The following SH3RF1 variants were observed in gnomAD, a reference collection of about 807,000 sequenced individuals.
The protein encoded by SH3RF1 is SH3 domain containing ring finger 1, also known as E3 ubiquitin-protein ligase SH3RF1.
SH3RF1 carries 32 observed loss-of-function variants against 74.0 expected under a neutral mutation model. The ratio of observed to expected loss-of-function variants is 0.43; its 90% CI spans 0.33 to 0.58. The LOEUF is 0.58. Ranked by LOEUF, SH3RF1 falls within the 20% of genes least tolerant of loss-of-function variation. The probability of loss-of-function intolerance (pLI) is 0.05; values close to 1 mark genes in which losing one functional copy is unlikely to be tolerated. For missense variants in SH3RF1, 954 were observed against 1,130.9 expected (o/e 0.84, Z 2.24); for synonymous variants, 396 against 439.6 (o/e 0.90, Z 1.24).
chr4:169,225,134 A>G (rs1730637264), intron 2 of SH3RF1, among the ~76,000 whole-genome samples: 1 of 152,200 alleles, frequency 6.6e-6, no homozygotes, highest in Admixed American at 6.5e-5. Flanking sequence ...AGTGCCAGTT[A>G]ATGACCAGCT....
At chr4:169,171,563 G>A (rs1163477764) in intron 2 of SH3RF1, among the ~76,000 whole-genome samples, 1 of 152,098 alleles carries the variant, frequency 6.6e-6, no homozygotes, top group Non-Finnish European at 1.5e-5. Context: ...GTAGACAGCA[G>A]AAAAAAGGCT....
intron 2 of SH3RF1, among the ~76,000 whole-genome samples, chr4:169,180,510 C>G (rs2706717): frequency 0.47 from 71,478 of 152,044 alleles, 18,092 homozygotes; most frequent in East Asian, 0.78. Flanking sequence ...AGCAAAAGTG[C>G]GGAAAGAAAA....
intron 2 of SH3RF1, among the ~76,000 whole-genome samples, chr4:169,178,703 A>G (rs1734461794): frequency 6.6e-6 from 1 of 152,066 alleles, no homozygotes; most frequent in Admixed American, 6.5e-5. Context: ...TGAATGTAAA[A>G]CCAGTCCAAT....
At chr4:169,116,140 C>T in intron 10 of SH3RF1, 129 bp downstream of exon 10, 1 of 1,362,056 alleles carries the variant, frequency 7.3e-7, no homozygotes, top group Non-Finnish European at 1.0e-6. Flanking sequence ...TAGTGACTCA[C>T]ACGTAGGGAG....
intron 5 of SH3RF1, among the ~76,000 whole-genome samples, chr4:169,135,041 G>T (rs1200398158): frequency 6.6e-6 from 1 of 152,064 alleles, no homozygotes; most frequent in Non-Finnish European, 1.5e-5. Flanking sequence ...AAGGAGCAGG[G>T]TCAAATAAAT....
chr4:169,194,148 A>G (rs886124664), intron 2 of SH3RF1, among the ~76,000 whole-genome samples: 1 of 152,180 alleles, frequency 6.6e-6, no homozygotes, highest in Non-Finnish European at 1.5e-5. Flanking sequence ...GGTAGTCGTC[A>G]TCTAAAAATT....
At chr4:169,187,967 C>T (rs1734636919) in intron 2 of SH3RF1, among the ~76,000 whole-genome samples, 2 of 152,218 alleles carry the variant, frequency 1.3e-5, no homozygotes, top group South Asian at 4.2e-4. Context: ...AACACAGAGA[C>T]ATCAGAGTGA....
intron 6 of SH3RF1, among the ~76,000 whole-genome samples, chr4:169,124,762 G>C (rs1733497610): frequency 6.6e-6 from 1 of 152,166 alleles, no homozygotes; most frequent in Non-Finnish European, 1.5e-5. Context: ...AAATTTTGTG[G>C]GTTGCTTTAT....
At position 169,187,469 on chromosome 4, in the gene SH3RF1, T is replaced by C. The variant is rs1012335587; in HGVS notation, c.394-30790A>G. Reference sequence around the variant, plus strand: ...TCCCAAAGTGCTGGGATTACAGGCATGAGCCATCACACCCAGACTACAGTA... The same window carrying C: ...TCCCAAAGTGCTGGGATTACAGGCACGAGCCATCACACCCAGACTACAGTA... On this transcript the variant is annotated intron_variant, in intron 2 of 11. Transcript: ENST00000284637. 3.9e-5 allele frequency among the ~76,000 whole-genome samples: 6 copies of C among 152,124 alleles called. No homozygotes were observed. The South Asian group carries it at 1.2e-3, about 32-fold the overall frequency.
At chr4:169,242,194 A>G (rs981063011) in intron 2 of SH3RF1, among the ~76,000 whole-genome samples, 6 of 152,156 alleles carry the variant, frequency 3.9e-5, no homozygotes, top group Admixed American at 3.3e-4. Flanking sequence ...CAAAGGAGAA[A>G]TACTCTGCCT....
chr4:169,266,605 T>A (rs1441503129), intron 2 of SH3RF1, among the ~76,000 whole-genome samples: 3 of 97,204 alleles, frequency 3.1e-5, no homozygotes, highest in East Asian at 3.5e-4. Flanking sequence ...AGCTTTTTTT[T>A]AAAAAAGGGG....
intron 5 of SH3RF1, among the ~76,000 whole-genome samples, chr4:169,132,594 A>C (rs1561032383): frequency 6.6e-6 from 1 of 152,180 alleles, no homozygotes; most frequent in Non-Finnish European, 1.5e-5. Flanking sequence ...GAATAGGGAC[A>C]ACCTGAGTTT....
chr4:169,126,070 A>G (rs1400892534), intron 6 of SH3RF1, among the ~76,000 whole-genome samples: 1 of 152,224 alleles, frequency 6.6e-6, no homozygotes, highest in Non-Finnish European at 1.5e-5. Flanking sequence ...GTTTATGTAA[A>G]TTGTCTTTCC....
chr4:169,197,263 A>T (rs1734829087), intron 2 of SH3RF1, among the ~76,000 whole-genome samples: 1 of 152,078 alleles, frequency 6.6e-6, no homozygotes, highest in Non-Finnish European at 1.5e-5. Flanking sequence ...CAGCCACCCA[A>T]AGTGCTAGGA....
chr4:169,109,605 G>C (rs4072953), intron 10 of SH3RF1, among the ~76,000 whole-genome samples: 67,705 of 152,004 alleles, frequency 0.45, 16,957 homozygotes, highest in African/African-American at 0.7. Flanking sequence ...GTTAGCAGAA[G>C]AATGTTCCAC....
chr4:169,184,502 G>T (rs1435669326), intron 2 of SH3RF1, among the ~76,000 whole-genome samples: 1 of 152,164 alleles, frequency 6.6e-6, no homozygotes, highest in Non-Finnish European at 1.5e-5. Context: ...GAGTCTCACA[G>T]GAGGATAGCT....
At chr4:169,183,299 CAGACAAAGT>C (rs1314544368) in intron 2 of SH3RF1, among the ~76,000 whole-genome samples, 2 of 152,168 alleles carry the variant, frequency 1.3e-5, no homozygotes, top group Non-Finnish European at 2.9e-5. Flanking sequence ...GACTTCGTCT[CAGACAAAGT>C]CTCGCTCTTG....
chr4:169,117,385 G>A, intron 9 of SH3RF1, 138 bp downstream of exon 9: 3 of 1,237,190 alleles, frequency 2.4e-6, no homozygotes, highest in African/African-American at 1.5e-5. Flanking sequence ...CAGATACAAG[G>A]TGCCACTGAG....
At chr4:169,100,042 A>G (rs182575093) in intron 11 of SH3RF1, among the ~76,000 whole-genome samples, 62 of 152,342 alleles carry the variant, frequency 4.1e-4, no homozygotes, top group African/African-American at 1.5e-3. Flanking sequence ...ATAACTGGCC[A>G]ACTATTTCAG....
Sources: allele counts gnomAD v4.1 joint callset (sites outside exome capture counted in the v4.1 genomes callset), GRCh38; gene constraint gnomAD v4.1.1; transcripts MANE v1.5; gene names NCBI Gene and HGNC (gene_info 2026-07-23, HGNC 2026-07-21).